The following GNAT3 variants were observed in gnomAD, a reference collection of about 807,000 sequenced individuals.
The protein encoded by GNAT3 is G protein subunit alpha transducin 3.
In GNAT3, 31 loss-of-function variants were observed where a neutral mutation model predicts 37.7. The ratio of observed to expected loss-of-function variants is 0.82; its 90% CI spans 0.62 to 1.11. GNAT3 has a LOEUF of 1.11. Ranked by LOEUF, GNAT3 falls within the 50% of genes most tolerant of loss-of-function variation. GNAT3 has a pLI of 0.00. For missense variants in GNAT3, 437 were observed against 412.5 expected (o/e 1.06, Z -0.51); for synonymous variants, 138 against 139.8 (o/e 0.99, Z 0.09).
chr7:80,482,933 C>T (rs1292148759), intron 3 of GNAT3, among the ~76,000 whole-genome samples: 1 of 151,998 alleles, frequency 6.6e-6, no homozygotes, highest in Non-Finnish European at 1.5e-5. Flanking sequence ...TACAAAGTCT[C>T]CCTTGACCAC....
intron 1 of GNAT3, among the ~76,000 whole-genome samples, chr7:80,507,643 A>C (rs1478994085): frequency 6.6e-6 from 1 of 152,006 alleles, no homozygotes; most frequent in Non-Finnish European, 1.5e-5. Context: ...TTAATAAATC[A>C]ATTTCCACCT....
At chr7:80,471,420 A>T (rs1790217209) in intron 5 of GNAT3, among the ~76,000 whole-genome samples, 1 of 151,846 alleles carries the variant, frequency 6.6e-6, no homozygotes, top group African/African-American at 2.4e-5. Context: ...AAATTTTATG[A>T]TTGTTTATAT....
intron 1 of GNAT3, among the ~76,000 whole-genome samples, chr7:80,505,468 G>A (rs541848253): frequency 3.3e-5 from 5 of 152,214 alleles, no homozygotes; most frequent in Non-Finnish European, 5.9e-5. Flanking sequence ...CCGGGTTCAC[G>A]CCATTCTCCT....
chr7:80,468,140 G>A (rs149579020), intron 5 of GNAT3, among the ~76,000 whole-genome samples: 1 of 152,100 alleles, frequency 6.6e-6, no homozygotes, highest in East Asian at 1.9e-4. Flanking sequence ...AACCATCAGA[G>A]TTTTACGGCT....
Position 80,458,693 on chromosome 7 carries a change from A to G in GNAT3, c.1043T>C (p.Leu348Pro), listed in dbSNP as rs1339627308. 1 of 1,572,130 alleles carries G rather than the reference A, an allele frequency of 6.4e-7. No homozygotes were observed. The highest frequency in any genetic ancestry group is 8.6e-7 in the Non-Finnish European group (1 of 1,160,812). The change falls in exon 8 of 8, where the codon CTA (leucine) becomes CCA (proline). Residue 348 changes from leucine (L) to proline (P), a missense_variant. Leu to Pro is a moderately conservative substitution (Grantham distance 98, BLOSUM62 -3). Transcript: ENST00000398291. The stretch of plus-strand genomic sequence containing the variant: ...TGATTAGAAAAGCCCACAGTCTTTT[A>G]GATTCTCTTTGATTATTATATCTGT... ...AVTDIIIKENLKDCGLF is the reference protein window; with the variant it reads ...AVTDIIIKENPKDCGLF
intron 5 of GNAT3, among the ~76,000 whole-genome samples, chr7:80,472,864 T>G (rs1042725259): frequency 6.6e-6 from 1 of 152,160 alleles, no homozygotes; most frequent in African/African-American, 2.4e-5. Context: ...CTACTGCTAA[T>G]TATTAGGTAA....
chr7:80,482,469 TTC>T (rs993371978), intron 3 of GNAT3, among the ~76,000 whole-genome samples: 6 of 151,900 alleles, frequency 3.9e-5, no homozygotes, highest in Non-Finnish European at 8.8e-5. Context: ...CTTTCTTATT[TTC>T]TTTTTCTTTT....
intron 3 of GNAT3, among the ~76,000 whole-genome samples, chr7:80,483,417 A>G (rs986338865): frequency 2.6e-5 from 4 of 152,266 alleles, no homozygotes; most frequent in Admixed American, 1.3e-4. Flanking sequence ...TTTTTAAAAT[A>G]TATAACACCA....
At chr7:80,465,557 C>A (rs1790116165) in intron 5 of GNAT3, among the ~76,000 whole-genome samples, 1 of 152,040 alleles carries the variant, frequency 6.6e-6, no homozygotes, top group South Asian at 2.1e-4. Context: ...TCGATAGATT[C>A]CGTGGCTATG....
intron 2 of GNAT3, among the ~76,000 whole-genome samples, chr7:80,490,549 A>G: frequency 6.6e-6 from 1 of 152,194 alleles, no homozygotes; most frequent in South Asian, 2.1e-4. Context: ...TGATTGTTCA[A>G]GGATAGTTAT....
intron 3 of GNAT3, among the ~76,000 whole-genome samples, chr7:80,484,478 T>C (rs1013305374): frequency 3.3e-5 from 5 of 152,112 alleles, no homozygotes; most frequent in Non-Finnish European, 7.4e-5. Context: ...GTTCATATTG[T>C]AGAGTTTACT....
chr7:80,492,113 T>C lies in GNAT3; in HGVS notation c.161+2492A>G, dbSNP rs1341740887. On this transcript the variant is annotated intron_variant, in intron 2 of 7. Transcript: ENST00000398291. ...GGAAGGCTGAAGCAGGTGGATCACT[T>C]GAGGTCAGGAGTTCGAGACCAGCCT... 2.0e-5 allele frequency among the ~76,000 whole-genome samples: 3 copies of C among 151,360 alleles called. No homozygotes were observed. The East Asian group carries it at 5.8e-4, about 29-fold the overall frequency.
At chr7:80,486,199 CA>C (rs1014586908) in intron 3 of GNAT3, among the ~76,000 whole-genome samples, 5 of 152,038 alleles carry the variant, frequency 3.3e-5, no homozygotes, top group African/African-American at 9.7e-5. Flanking sequence ...AAGTGGAAAT[CA>C]AAATATGAAC....
intron 5 of GNAT3, among the ~76,000 whole-genome samples, chr7:80,470,274 C>T (rs529346927): frequency 8.6e-5 from 13 of 151,956 alleles, no homozygotes; most frequent in Admixed American, 3.3e-4. Context: ...CAGGCTAGAG[C>T]GCAGTGGCGC....
At position 80,506,021 on chromosome 7, in the gene GNAT3, A is replaced by G. The variant is rs1451179736; in HGVS notation, c.118+5788T>C. ...AACGGAAGTATATTTTATTTTATAT[A>G]AAACAGATCATGGAATCCTTACACT... On this transcript the variant is annotated intron_variant, in intron 1 of 7. Transcript: ENST00000398291. Among the ~76,000 whole-genome samples, 5 of 152,320 alleles carry G rather than the reference A, an allele frequency of 3.3e-5. No homozygotes were observed. The East Asian group carries it at 9.6e-4, about 29-fold the overall frequency.
intron 5 of GNAT3, among the ~76,000 whole-genome samples, chr7:80,467,745 A>G (rs1790149210): frequency 6.6e-6 from 1 of 152,096 alleles, no homozygotes; most frequent in South Asian, 2.1e-4. Flanking sequence ...ACAAAATTAA[A>G]ATCAGAGAAA....
intron 1 of GNAT3, among the ~76,000 whole-genome samples, chr7:80,495,429 G>T (rs1263625764): frequency 2.6e-5 from 4 of 151,110 alleles, no homozygotes; most frequent in Admixed American, 2.0e-4. Flanking sequence ...ATTTTGACCT[G>T]GTGTAAGGTG....
At chr7:80,480,300 A>C (rs1421346455) in intron 3 of GNAT3, among the ~76,000 whole-genome samples, 1 of 152,150 alleles carries the variant, frequency 6.6e-6, no homozygotes, top group Non-Finnish European at 1.5e-5. Flanking sequence ...TGAGATAGAC[A>C]CTATATTTTC....
chr7:80,498,617 T>C (rs1194329243), intron 1 of GNAT3, among the ~76,000 whole-genome samples: 1 of 152,146 alleles, frequency 6.6e-6, no homozygotes, highest in Non-Finnish European at 1.5e-5. Context: ...TTCACAATAG[T>C]CATTTCAGTC....
Sources: allele counts gnomAD v4.1 joint callset (sites outside exome capture counted in the v4.1 genomes callset), GRCh38; gene constraint gnomAD v4.1.1; transcripts MANE v1.5; gene names NCBI Gene and HGNC (gene_info 2026-07-23, HGNC 2026-07-21).